PLEKHA7: variants seen among roughly 807,000 people sequenced by gnomAD.
PLEKHA7 encodes the protein pleckstrin homology domain containing A7, also known as pleckstrin homology domain-containing family A member 7.
Under a neutral mutation model 170.0 loss-of-function variants are expected in PLEKHA7, and 104 were observed. The observed-to-expected ratio is 0.61, with a 90% CI of 0.52 to 0.72. PLEKHA7 has a LOEUF of 0.72. PLEKHA7 is among the 30% of genes least tolerant of loss of function. The pLI is 0.00. For missense variants in PLEKHA7, 1,615 were observed against 1,671.7 expected, an observed-to-expected ratio of 0.97 and a Z score of 0.59; for synonymous variants, 648 against 660.8, an observed-to-expected ratio of 0.98 and a Z score of 0.30.
chr11:16,966,271 G>A (rs1287789381), intron 3 of PLEKHA7, among the ~76,000 whole-genome samples: 1 of 150,616 alleles, frequency 6.6e-6, no homozygotes, highest in Non-Finnish European at 1.5e-5. Flanking sequence ...AATGGGACTG[G>A]AGGCATGGTT....
At chr11:16,950,323 G>C (rs1180146687) in intron 3 of PLEKHA7, among the ~76,000 whole-genome samples, 3 of 152,136 alleles carry the variant, frequency 2.0e-5, no homozygotes, top group Non-Finnish European at 4.4e-5. Context: ...AGAACACCCA[G>C]AGCAATGATG....
At chr11:16,963,952 T>A (rs549845251) in intron 3 of PLEKHA7, among the ~76,000 whole-genome samples, 1 of 152,352 alleles carries the variant, frequency 6.6e-6, no homozygotes, top group Admixed American at 6.5e-5. Flanking sequence ...GAAGCACTCT[T>A]AGTTATCAAC....
At position 16,782,747 on chromosome 11, in the gene PLEKHA7, G is replaced by T. The variant is rs1401680977; in HGVS notation, c.3793+7C>A. On this transcript the variant is annotated splice_region_variant and intron_variant, in intron 26 of 26. Coordinates refer to ENST00000531066, the MANE Select transcript of PLEKHA7 (RefSeq NM_001329630.2). ...TCCAGGCCTTGGGGGCTGGGCCATG[G>T]CCTTACCTGCCACCTGCTTGCTACG... The T allele has an allele frequency of 2.5e-5, 39 of 1,535,830 alleles. No individual in the cohort carries two copies. Among genetic ancestry groups the T allele is most frequent in the Non-Finnish European group, 3.2e-5 (37 of 1,146,858 alleles).
intron 3 of PLEKHA7, among the ~76,000 whole-genome samples, chr11:16,907,568 G>T (rs1222691713): frequency 8.3e-6 from 1 of 121,180 alleles, no homozygotes; most frequent in Non-Finnish European, 1.9e-5. Flanking sequence ...AGGCGGGGGG[G>T]TCAGCCCCCC....
intron 3 of PLEKHA7, among the ~76,000 whole-genome samples, chr11:16,875,013 T>C (rs1482840890): frequency 6.6e-6 from 1 of 152,354 alleles, no homozygotes; most frequent in Non-Finnish European, 1.5e-5. Flanking sequence ...GGCACTAAGA[T>C]GAATTTTACA....
intron 9 of PLEKHA7, among the ~76,000 whole-genome samples, chr11:16,833,957 G>T (rs1851315638): frequency 6.6e-6 from 1 of 151,048 alleles, no homozygotes; most frequent in African/African-American, 2.4e-5. Flanking sequence ...GCCAAGGTGG[G>T]TGGATCACCT....
intron 3 of PLEKHA7, among the ~76,000 whole-genome samples, chr11:16,907,020 T>A (rs1249152316): frequency 6.9e-6 from 1 of 144,954 alleles, no homozygotes; most frequent in African/African-American, 2.7e-5. Flanking sequence ...AACCGCCCCG[T>A]CTGAGAAGTG....
At chr11:16,892,619 C>CTTTTTTTTTTTTTTTTTTTTTTT (rs10674972) in intron 3 of PLEKHA7, among the ~76,000 whole-genome samples, 1 of 82,414 alleles carries the variant, frequency 1.2e-5, no homozygotes, top group Non-Finnish European at 2.2e-5. Flanking sequence ...CTTCCAGCTT[C>CTTTTTTTTTTTTTTTTTTTTTTT]TTTTTTTTTT....
At chr11:16,878,839 C>T (rs1855500457) in intron 3 of PLEKHA7, among the ~76,000 whole-genome samples, 1 of 152,192 alleles carries the variant, frequency 6.6e-6, no homozygotes, top group Admixed American at 6.5e-5. Flanking sequence ...TAATGGTCAT[C>T]AGCCATCAGA....
intron 3 of PLEKHA7, among the ~76,000 whole-genome samples, chr11:16,939,812 C>G (rs116892610): frequency 2.0e-5 from 3 of 152,244 alleles, no homozygotes; most frequent in Non-Finnish European, 4.4e-5. Flanking sequence ...TTCTGGTTTG[C>G]TGCAAAGTTT....
rs754061738 is a variant in PLEKHA7, at chr11:16,789,053, G to A, written c.3357+43C>T. 11 of 1,578,904 alleles carry A rather than the reference G, an allele frequency of 7.0e-6. No homozygotes were observed. The highest frequency in any genetic ancestry group is 1.8e-5 in the Admixed American group (1 of 57,086). On this transcript the variant is annotated intron_variant, in intron 23 of 26. Coordinates refer to ENST00000531066, the MANE Select transcript of PLEKHA7 (RefSeq NM_001329630.2). The surrounding 1 kb of genome is among the most constrained non-coding windows in gnomAD (Gnocchi z 4.6). ...GTTTGGGGGACTCTGAGGGGCACTC[G>A]GCTCCCTGTCCCTGCCCCGCTGCCT...
chr11:16,921,812 C>T (rs1859113301), intron 3 of PLEKHA7, among the ~76,000 whole-genome samples: 1 of 152,202 alleles, frequency 6.6e-6, no homozygotes, highest in Admixed American at 6.5e-5. Context: ...CCTGTTTGAG[C>T]ATAAGAACAA....
chr11:16,821,980 T>C (rs1850252707), intron 10 of PLEKHA7, among the ~76,000 whole-genome samples: 1 of 150,490 alleles, frequency 6.6e-6, no homozygotes, highest in Non-Finnish European at 1.5e-5. Flanking sequence ...CCCTTCCCCT[T>C]AGATAAGAAT....
At chr11:16,908,820 T>C (rs891401657) in intron 3 of PLEKHA7, among the ~76,000 whole-genome samples, 1 of 152,208 alleles carries the variant, frequency 6.6e-6, no homozygotes, top group Non-Finnish European at 1.5e-5. Flanking sequence ...CTATCATTAA[T>C]GCTACCCAGC....
intron 3 of PLEKHA7, among the ~76,000 whole-genome samples, chr11:16,881,958 G>A (rs923205230): frequency 6.6e-5 from 10 of 152,158 alleles, no homozygotes; most frequent in Non-Finnish European, 5.9e-5. Context: ...GTCTGAAAAC[G>A]AGAAGGGCAG....
At chr11:16,782,097 TCA>T (rs1176605485) in intron 26 of PLEKHA7, among the ~76,000 whole-genome samples, 10 of 149,322 alleles carry the variant, frequency 6.7e-5, no homozygotes, top group Non-Finnish European at 1.3e-4. Flanking sequence ...ATACACACAG[TCA>T]CACACACACA....
In PLEKHA7 at chr11:16,826,581, C is replaced by A; in HGVS notation, c.882G>T (p.Glu294Asp). 6.2e-7 allele frequency: 1 copy of A among 1,612,146 alleles called. No individual in the cohort carries two copies. Residue 294 changes from glutamate to aspartate, a missense_variant, in exon 10 of 27, where the codon GAG (glutamate) becomes GAT (aspartate). Physicochemically the swap from Glu to Asp is conservative, Grantham distance 45. Transcript: ENST00000531066. The stretch of plus-strand genomic sequence containing the variant: ...GGGGGACAGCCTGCCGCTCCACCTT[C>A]TCCATATCCCTGCAATGACAGCAGC... ...LSRSSLKRDM[E>D]KVERQAVPQA... is the part of the protein sequence containing the mutation.
intron 3 of PLEKHA7, among the ~76,000 whole-genome samples, chr11:17,007,921 AAAGT>A (rs1565203505): frequency 6.6e-6 from 1 of 152,174 alleles, no homozygotes; most frequent in Non-Finnish European, 1.5e-5. Flanking sequence ...TTTACCATTA[AAAGT>A]AATAGCACTA....
At chr11:16,918,838 T>A (rs1012314947) in intron 3 of PLEKHA7, among the ~76,000 whole-genome samples, 1 of 152,174 alleles carries the variant, frequency 6.6e-6, no homozygotes, top group Non-Finnish European at 1.5e-5. Flanking sequence ...AATGATGACT[T>A]TGATGTTCTA....
Sources: allele counts gnomAD v4.1 joint callset (sites outside exome capture counted in the v4.1 genomes callset), GRCh38; gene constraint gnomAD v4.1.1; non-coding constraint Gnocchi (gnomAD v3.1); transcripts MANE v1.5; gene names NCBI Gene and HGNC (gene_info 2026-07-23, HGNC 2026-07-21).